The following ELOVL4 variants were observed in gnomAD, a reference collection of about 807,000 sequenced individuals.
ELOVL4 encodes the protein very long chain fatty acid elongase 4.
Under a neutral mutation model 42.1 loss-of-function variants are expected in ELOVL4, and 18 were observed. The ratio of observed to expected loss-of-function variants is 0.43; its 90% CI spans 0.30 to 0.63. The LOEUF (loss-of-function observed/expected upper bound fraction) is 0.63. Ranked by LOEUF, ELOVL4 falls within the 30% of genes least tolerant of loss-of-function variation. The pLI is 0.15. For missense variants in ELOVL4, 299 were observed against 376.2 expected, an observed-to-expected ratio of 0.79 and a Z score of 1.70; for synonymous variants, 117 against 127.0, an observed-to-expected ratio of 0.92 and a Z score of 0.53.
chr6:79,941,167 A>G (rs1774637964), intron 1 of ELOVL4, among the ~76,000 whole-genome samples: 1 of 152,218 alleles, frequency 6.6e-6, no homozygotes, highest in Non-Finnish European at 1.5e-5. Flanking sequence ...AAAGAAAGTG[A>G]TATCTATATC....
intron 4 of ELOVL4, among the ~76,000 whole-genome samples, chr6:79,920,235 A>T (rs1374671847): frequency 6.6e-6 from 1 of 152,182 alleles, no homozygotes; most frequent in African/African-American, 2.4e-5. Context: ...TTATCATAAT[A>T]TGACAATGGA....
At chr6:79,930,174 C>A (rs1291189716) in intron 1 of ELOVL4, among the ~76,000 whole-genome samples, 2 of 152,182 alleles carry the variant, frequency 1.3e-5, no homozygotes, top group Non-Finnish European at 2.9e-5. Flanking sequence ...TCATTCCTTA[C>A]TCCAGGGGAA....
intron 5 of ELOVL4, among the ~76,000 whole-genome samples, chr6:79,917,577 T>C (rs971430087): frequency 6.6e-6 from 1 of 152,194 alleles, no homozygotes; most frequent in Non-Finnish European, 1.5e-5. Context: ...CCCAGCACTC[T>C]GGGAGGCCGA....
intron 1 of ELOVL4, among the ~76,000 whole-genome samples, chr6:79,928,355 T>C (rs932742206): frequency 2.6e-5 from 4 of 152,042 alleles, no homozygotes; most frequent in Non-Finnish European, 5.9e-5. Context: ...ATTCCTAACA[T>C]CATAGATTAT....
intron 4 of ELOVL4, among the ~76,000 whole-genome samples, chr6:79,920,939 G>A (rs887258859): frequency 6.6e-6 from 1 of 152,232 alleles, no homozygotes; most frequent in East Asian, 1.9e-4. Flanking sequence ...GATTAGGGAT[G>A]TTCAATCTGT....
chr6:79,922,950 G>T (rs550047665), intron 3 of ELOVL4, among the ~76,000 whole-genome samples: 1 of 152,188 alleles, frequency 6.6e-6, no homozygotes, highest in African/African-American at 2.4e-5. Flanking sequence ...GCTTGAAATA[G>T]TTAACTACTC....
chr6:79,940,613 T>C (rs1378037071), intron 1 of ELOVL4, among the ~76,000 whole-genome samples: 1 of 152,146 alleles, frequency 6.6e-6, no homozygotes, highest in African/African-American at 2.4e-5. Context: ...TAGACTGATA[T>C]CTAGGCTGCT....
intron 1 of ELOVL4, among the ~76,000 whole-genome samples, chr6:79,945,337 T>C (rs1415581775): frequency 6.6e-6 from 1 of 152,220 alleles, no homozygotes; most frequent in African/African-American, 2.4e-5. Flanking sequence ...TATTATATTA[T>C]TTTATATGCC....
chr6:79,941,052 A>G (rs1037347267), intron 1 of ELOVL4, among the ~76,000 whole-genome samples: 2 of 152,234 alleles, frequency 1.3e-5, no homozygotes, highest in Admixed American at 6.5e-5. Context: ...GGCAGTGTTG[A>G]TAACAGTTTT....
chr6:79,940,947 A>G (rs1463932160), intron 1 of ELOVL4, among the ~76,000 whole-genome samples: 1 of 152,222 alleles, frequency 6.6e-6, no homozygotes, highest in Admixed American at 6.5e-5. Context: ...AAATATCTGT[A>G]TACTTTTGTT....
intron 4 of ELOVL4, among the ~76,000 whole-genome samples, chr6:79,921,293 C>T (rs1774249035): frequency 6.6e-6 from 1 of 151,474 alleles, no homozygotes; most frequent in East Asian, 1.9e-4. Flanking sequence ...AACCCTGTCT[C>T]TACTAAAAAT....
intron 1 of ELOVL4, among the ~76,000 whole-genome samples, chr6:79,945,637 C>T (rs2127703153): frequency 6.6e-6 from 1 of 152,198 alleles, no homozygotes; most frequent in South Asian, 2.1e-4. Flanking sequence ...AGTGCAATTA[C>T]CTGCTAAAGA....
chr6:79,947,232 G>T lies in ELOVL4; in HGVS notation c.48C>A (p.Ser16=). 2 of 1,613,240 alleles carry T rather than the reference G, an allele frequency of 1.2e-6. No homozygotes were observed. The highest frequency in any genetic ancestry group is 1.7e-6 in the Non-Finnish European group (2 of 1,179,578). The change falls in exon 1 of 6, where the codon TCC becomes TCA. Residue 16 remains serine (S), a synonymous_variant. Transcript: ENST00000369816. The part of the protein sequence containing the change: ...SEPGSVLNVV[S]TALNDTVEFY... ...ACTCTACCGTGTCGTTGAGTGCCGT[G>T]GACACTACGTTTAGGACACTACCCG...
At chr6:79,921,846 G>A in intron 3 of ELOVL4, 50 bp from the exon 4 acceptor site, 1 of 1,549,694 alleles carries the variant, frequency 6.5e-7, no homozygotes, top group Non-Finnish European at 8.9e-7. Flanking sequence ...ACTATTGTAT[G>A]GGTTTATACT....
At chr6:79,943,702 C>T (rs937705289) in intron 1 of ELOVL4, among the ~76,000 whole-genome samples, 1 of 152,126 alleles carries the variant, frequency 6.6e-6, no homozygotes, top group African/African-American at 2.4e-5. Context: ...CAAGTGTCCT[C>T]CTTTCCTTTC....
chr6:79,933,587 G>C (rs1664848178), intron 1 of ELOVL4, among the ~76,000 whole-genome samples: 1 of 152,076 alleles, frequency 6.6e-6, no homozygotes. Context: ...TGAGGGGAAG[G>C]GGATATGTCA....
intron 3 of ELOVL4, 138 bp downstream of exon 3, chr6:79,924,814 G>A (rs1437788942): frequency 4.6e-6 from 3 of 652,126 alleles, no homozygotes; most frequent in African/African-American, 3.6e-5. Flanking sequence ...CAGTCTGGGG[G>A]ACAGAGCAAG....
At chr6:79,939,752 G>A (rs1774612111) in intron 1 of ELOVL4, among the ~76,000 whole-genome samples, 1 of 151,940 alleles carries the variant, frequency 6.6e-6, no homozygotes, top group African/African-American at 2.4e-5. Context: ...TGATCCTTGA[G>A]CCTCCACCTC....
At position 79,941,001 on chromosome 6, in the gene ELOVL4, G is replaced by C. The variant is rs907752872; in HGVS notation, c.100+6179C>G. ...TTTCTTATAAAGCAAATTTTAAAAA[G>C]TAAAAAGAACTAAATAAGAATCTGT... On this transcript the variant is annotated intron_variant, in intron 1 of 5. Transcript: ENST00000369816. Among the ~76,000 whole-genome samples the C allele has an allele frequency of 2.7e-5, 4 of 147,480 alleles. No individual in the cohort carries two copies. The East Asian group carries it at 7.8e-4, about 29-fold the overall frequency.
Sources: gnomAD v4.1 joint callset for allele counts (sites outside exome capture counted in the v4.1 genomes callset) on GRCh38, gnomAD v4.1.1 for gene constraint, MANE v1.5 for transcripts, NCBI Gene and HGNC (gene_info 2026-07-23, HGNC 2026-07-21) for gene names.